The following ZNF804B variants were observed in gnomAD, a reference collection of about 807,000 sequenced individuals.
The protein encoded by ZNF804B is zinc finger 804B.
ZNF804B carries 80 observed loss-of-function variants against 101.4 expected under a neutral mutation model. The observed-to-expected ratio is 0.79, with a 90% CI of 0.66 to 0.95. ZNF804B has a LOEUF of 0.95. ZNF804B is among the 40% of genes least tolerant of loss of function. The pLI is 0.00. For missense variants in ZNF804B, 1,673 were observed against 1,561.9 expected (o/e 1.07, Z -1.20); for synonymous variants, 622 against 558.8 (o/e 1.11, Z -1.59).
chr7:88,836,219 C>A (rs1386903168), intron 1 of ZNF804B, among the ~76,000 whole-genome samples: 1 of 151,910 alleles, frequency 6.6e-6, no homozygotes, highest in African/African-American at 2.4e-5. Context: ...CAGACTTGAA[C>A]CTTCATTTTC....
chr7:88,978,620 C>A (rs950798646), intron 1 of ZNF804B, among the ~76,000 whole-genome samples: 1 of 151,110 alleles, frequency 6.6e-6, no homozygotes, highest in African/African-American at 2.4e-5. Flanking sequence ...TGTGTTTCTT[C>A]TAGGCAACAG....
chr7:89,184,217 A>G (rs1383405835), intron 1 of ZNF804B, among the ~76,000 whole-genome samples: 1 of 152,172 alleles, frequency 6.6e-6, no homozygotes, highest in East Asian at 1.9e-4. Context: ...TCACACACAC[A>G]TATTTTAATC....
chr7:89,192,901 C>T (rs906531852), intron 1 of ZNF804B, among the ~76,000 whole-genome samples: 1 of 152,044 alleles, frequency 6.6e-6, no homozygotes, highest in Admixed American at 6.6e-5. Context: ...AAACTAACCA[C>T]ATGATTATCT....
chr7:89,281,825 C>G (rs1408115654), intron 2 of ZNF804B, among the ~76,000 whole-genome samples: 4 of 152,186 alleles, frequency 2.6e-5, no homozygotes, highest in Non-Finnish European at 5.9e-5. Flanking sequence ...AGCAAAAGTA[C>G]TTCCAGAATT....
At chr7:88,836,463 C>T (rs1791216453) in intron 1 of ZNF804B, among the ~76,000 whole-genome samples, 1 of 151,758 alleles carries the variant, frequency 6.6e-6, no homozygotes, top group Admixed American at 6.6e-5. Flanking sequence ...ACTTGGTAGT[C>T]AAGCAAGAAC....
chr7:89,256,907 G>A (rs1187124821), intron 2 of ZNF804B, among the ~76,000 whole-genome samples: 1 of 152,090 alleles, frequency 6.6e-6, no homozygotes, highest in East Asian at 1.9e-4. Flanking sequence ...TTATTCAGGT[G>A]TGTTTACAAT....
At chr7:88,870,477 A>C (rs1294661848) in intron 1 of ZNF804B, among the ~76,000 whole-genome samples, 1 of 151,672 alleles carries the variant, frequency 6.6e-6, no homozygotes, top group African/African-American at 2.4e-5. Context: ...AAACTGCTGC[A>C]CTATTTCATT....
At chr7:89,190,060 A>G (rs1788430419) in intron 1 of ZNF804B, among the ~76,000 whole-genome samples, 1 of 152,164 alleles carries the variant, frequency 6.6e-6, no homozygotes, top group African/African-American at 2.4e-5. Context: ...AGTTGTTTCC[A>G]GCCCTCATAA....
intron 1 of ZNF804B, among the ~76,000 whole-genome samples, chr7:88,893,288 A>T: frequency 6.6e-6 from 1 of 152,126 alleles, no homozygotes; most frequent in East Asian, 1.9e-4. Flanking sequence ...GGCATTTCAA[A>T]AATATGTCAT....
intron 1 of ZNF804B, among the ~76,000 whole-genome samples, chr7:89,039,107 C>A (rs964494627): frequency 1.3e-5 from 2 of 151,850 alleles, no homozygotes; most frequent in Non-Finnish European, 2.9e-5. Flanking sequence ...TACTATGATG[C>A]CTATGGCTGT....
Position 89,247,231 on chromosome 7 carries a change from T to C in ZNF804B, c.249+28936T>C, listed in dbSNP as rs536904391. 2.6e-4 allele frequency among the ~76,000 whole-genome samples: 40 copies of C among 152,314 alleles called. 2 individuals are homozygous for C. The South Asian group carries it at 7.9e-3, about 30-fold the overall frequency. ...TGCCTGACATCAGGAGAACAGAAAC[T>C]GGACCTGCCTGGTCTAGCCTTGTTT... On this transcript the variant is annotated intron_variant, in intron 2 of 3. Coordinates refer to ENST00000333190, the MANE Select transcript of ZNF804B (RefSeq NM_181646.5).
At position 88,879,294 on chromosome 7, in the gene ZNF804B, C is replaced by G. The variant is rs1034934045; in HGVS notation, c.108+119210C>G. 9.7e-4 allele frequency among the ~76,000 whole-genome samples: 147 copies of G among 152,054 alleles called. 1 individual carries two copies. The highest frequency in any genetic ancestry group is 8.8e-5 in the Non-Finnish European group (6 of 67,962). ...TCCTCAACAAGGATGATATTGCCAC[C>G]AAAGGGGGTAAAAATTGGTTGCTGG... On this transcript the variant is annotated intron_variant, in intron 1 of 3. Coordinates refer to ENST00000333190, the MANE Select transcript of ZNF804B (RefSeq NM_181646.5).
intron 1 of ZNF804B, among the ~76,000 whole-genome samples, chr7:88,892,266 T>G (rs1175534073): frequency 6.6e-6 from 1 of 152,164 alleles, no homozygotes; most frequent in Non-Finnish European, 1.5e-5. Context: ...TCTCAGATAT[T>G]TTTCTTTATT....
At chr7:89,012,872 G>A (rs1001968241) in intron 1 of ZNF804B, among the ~76,000 whole-genome samples, 2 of 151,990 alleles carry the variant, frequency 1.3e-5, no homozygotes, top group African/African-American at 2.4e-5. Context: ...GAATAAATAC[G>A]CAAGACTGGG....
intron 2 of ZNF804B, among the ~76,000 whole-genome samples, chr7:89,228,910 GC>G (rs1459199002): frequency 6.6e-6 from 1 of 152,212 alleles, no homozygotes; most frequent in African/African-American, 2.4e-5. Context: ...CCGGAGCCCT[GC>G]CCCGCGGGAA....
chr7:89,288,691 C>CA (rs1407131342), intron 2 of ZNF804B, among the ~76,000 whole-genome samples: 1 of 151,842 alleles, frequency 6.6e-6, no homozygotes, highest in East Asian at 1.9e-4. Flanking sequence ...TTCAAGAAAA[C>CA]AAAAAAATAA....
intron 1 of ZNF804B, among the ~76,000 whole-genome samples, chr7:88,869,160 G>T (rs772912655): frequency 1.3e-5 from 2 of 152,124 alleles, no homozygotes; most frequent in African/African-American, 2.4e-5. Context: ...TAGTAATACA[G>T]TAATTCTTTA....
At chr7:89,089,057 CTTTTTTT>C (rs543879583) in intron 1 of ZNF804B, among the ~76,000 whole-genome samples, 2 of 128,110 alleles carry the variant, frequency 1.6e-5, no homozygotes, top group African/African-American at 6.0e-5. Context: ...CTTTTTTTTT[CTTTTTTT>C]TTTTTTTCCT....
chr7:89,092,825 C>G (rs1374210897), intron 1 of ZNF804B, among the ~76,000 whole-genome samples: 1 of 152,136 alleles, frequency 6.6e-6, no homozygotes, highest in Non-Finnish European at 1.5e-5. Context: ...AAAGATGGTA[C>G]AGTTCATCTT....
Sources: gnomAD v4.1 joint callset for allele counts (sites outside exome capture counted in the v4.1 genomes callset) on GRCh38, gnomAD v4.1.1 for gene constraint, MANE v1.5 for transcripts, NCBI Gene and HGNC (gene_info 2026-07-23, HGNC 2026-07-21) for gene names.